GALNTL6: variants seen among roughly 807,000 people sequenced by gnomAD.
GALNTL6 encodes polypeptide N-acetylgalactosaminyltransferase-like 6.
In GALNTL6, 46 loss-of-function variants were observed where a neutral mutation model predicts 73.7. The ratio of observed to expected loss-of-function variants is 0.62; its 90% CI spans 0.49 to 0.80. The LOEUF (loss-of-function observed/expected upper bound fraction) is 0.80. Among genes scored for constraint, GALNTL6 ranks in the 30% least tolerant of loss-of-function variants. GALNTL6 has a pLI of 0.00. For synonymous variants in GALNTL6, 259 were observed against 263.7 expected, an observed-to-expected ratio of 0.98 and a Z score of 0.17; for missense variants, 604 against 755.0, an observed-to-expected ratio of 0.80 and a Z score of 2.34.
At position 171,908,809 on chromosome 4, in the gene GALNTL6, C is replaced by T. The variant is rs568214695; in HGVS notation, c.138+94091C>T. Among the ~76,000 whole-genome samples, 173 of 151,228 alleles carry T rather than the reference C, an allele frequency of 1.1e-3. 1 individual carries two copies. The highest frequency in any genetic ancestry group is 4.0e-3 in the African/African-American group (163 of 40,656). On this transcript the variant is annotated intron_variant, in intron 2 of 12. Transcript: ENST00000506823. ...CACATATACACCATGGAATACTATG[C>T]AGCCATAAAAAATGATGAGTTCATG... is the stretch of plus-strand genomic sequence containing the variant.
chr4:172,955,491 G>A (rs553265390), intron 10 of GALNTL6, among the ~76,000 whole-genome samples: 11 of 151,744 alleles, frequency 7.2e-5, no homozygotes, highest in Non-Finnish European at 1.3e-4. Flanking sequence ...ATTATTAAAA[G>A]TGCAGAATAT....
chr4:172,548,351 A>T (rs1204666663), intron 5 of GALNTL6, among the ~76,000 whole-genome samples: 1 of 152,248 alleles, frequency 6.6e-6, no homozygotes, highest in African/African-American at 2.4e-5. Flanking sequence ...GCACATTTAC[A>T]TAACAAAATG....
chr4:171,919,528 T>C (rs1023107192), intron 2 of GALNTL6, among the ~76,000 whole-genome samples: 4 of 152,024 alleles, frequency 2.6e-5, no homozygotes, highest in African/African-American at 4.8e-5. Flanking sequence ...ATGATGGTGA[T>C]ATTAGATCAG....
intron 2 of GALNTL6, among the ~76,000 whole-genome samples, chr4:171,826,850 G>T (rs1203026447): frequency 1.3e-5 from 2 of 151,974 alleles, no homozygotes; most frequent in Non-Finnish European, 2.9e-5. Context: ...GCTTCTCGGT[G>T]CACACCCCTA....
chr4:172,000,404 C>G (rs1473165489), intron 2 of GALNTL6, among the ~76,000 whole-genome samples: 1 of 152,092 alleles, frequency 6.6e-6, no homozygotes, highest in Non-Finnish European at 1.5e-5. Flanking sequence ...ATCATCCCAC[C>G]AAAGAGTGAG....
At chr4:172,210,715 AG>A (rs1158471069) in intron 2 of GALNTL6, among the ~76,000 whole-genome samples, 2 of 152,182 alleles carry the variant, frequency 1.3e-5, no homozygotes, top group Non-Finnish European at 2.9e-5. Context: ...TCAGTCTTAC[AG>A]TACCCATTGG....
rs56057771 is a variant in GALNTL6 at position 172,678,350 on chromosome 4, A to ATTT, written c.554-131001_554-130999dup. 8.4e-3 allele frequency among the ~76,000 whole-genome samples: 1,253 copies of ATTT among 148,828 alleles called. 11 individuals are homozygous for ATTT. Among genetic ancestry groups the ATTT allele is most frequent in the African/African-American group, 0.021 (850 of 40,754 alleles). ...GAATCTCCGTTCTTTACTAATTACT[A>ATTT]TTTTTTTTTTTTGAGACAGAGTTTC... is the stretch of plus-strand genomic sequence containing the variant. On this transcript the variant is annotated intron_variant, in intron 5 of 12. Transcript: ENST00000506823.
chr4:172,136,402 A>AT (rs1733637620), intron 2 of GALNTL6, among the ~76,000 whole-genome samples: 1 of 151,892 alleles, frequency 6.6e-6, no homozygotes. Context: ...ACTCTGTTCA[A>AT]TTTTTTAAAA....
chr4:172,606,311 G>A (rs1659446582), intron 5 of GALNTL6, among the ~76,000 whole-genome samples: 1 of 151,510 alleles, frequency 6.6e-6, no homozygotes, highest in Non-Finnish European at 1.5e-5. Context: ...AAAATTAGAT[G>A]GGCATGGTGG....
intron 10 of GALNTL6, among the ~76,000 whole-genome samples, chr4:172,994,597 G>A (rs930600473): frequency 1.3e-5 from 2 of 152,168 alleles, no homozygotes. Context: ...CCCTTAAAGA[G>A]CCAAGTCATC....
chr4:172,209,808 C>G (rs1047375797), intron 2 of GALNTL6, among the ~76,000 whole-genome samples: 2 of 151,948 alleles, frequency 1.3e-5, no homozygotes. Context: ...ATTCATTTTG[C>G]TGAATAGATT....
intron 3 of GALNTL6, among the ~76,000 whole-genome samples, chr4:172,280,302 C>G (rs1738997664): frequency 6.6e-6 from 1 of 152,098 alleles, no homozygotes; most frequent in African/African-American, 2.4e-5. Flanking sequence ...GGAGTTGAGA[C>G]AGAAACCAAT....
intron 8 of GALNTL6, among the ~76,000 whole-genome samples, chr4:172,910,191 A>G (rs531137914): frequency 6.6e-6 from 1 of 152,286 alleles, no homozygotes; most frequent in African/African-American, 2.4e-5. Context: ...CATGAATCCA[A>G]CAAATATTTG....
At chr4:172,814,415 T>C (rs976852341) in intron 7 of GALNTL6, among the ~76,000 whole-genome samples, 1 of 152,188 alleles carries the variant, frequency 6.6e-6, no homozygotes. Flanking sequence ...ATAGTTTAGT[T>C]TGACAGACTA....
intron 5 of GALNTL6, among the ~76,000 whole-genome samples, chr4:172,570,910 A>G (rs376518339): frequency 2.0e-5 from 3 of 152,086 alleles, no homozygotes; most frequent in Non-Finnish European, 2.9e-5. Context: ...GAAGAGCGCA[A>G]TCTAGATCCC....
At chr4:172,688,846 T>G (rs28406350) in intron 5 of GALNTL6, among the ~76,000 whole-genome samples, 64,813 of 151,992 alleles carry the variant, frequency 0.43, 16,065 homozygotes, top group East Asian at 0.68. Flanking sequence ...AAAAGGCATT[T>G]CTTTTTATAT....
chr4:171,969,119 G>A (rs1843503), intron 2 of GALNTL6, among the ~76,000 whole-genome samples: 65,313 of 151,904 alleles, frequency 0.43, 16,826 homozygotes, highest in Non-Finnish European at 0.57. Context: ...ACAGGCATGA[G>A]CCACCGCGCC....
intron 2 of GALNTL6, among the ~76,000 whole-genome samples, chr4:171,968,380 C>G (rs11722467): frequency 0.47 from 71,073 of 151,886 alleles, 18,343 homozygotes; most frequent in Admixed American, 0.61. Context: ...AGTTTCTGGT[C>G]ATTGCCAACC....
chr4:172,365,315 G>T (rs924811562), intron 5 of GALNTL6, among the ~76,000 whole-genome samples: 6 of 152,012 alleles, frequency 3.9e-5, no homozygotes, highest in African/African-American at 1.5e-4. Context: ...GCATGTCTCT[G>T]GTTGGGGAAG....
Sources: allele counts gnomAD v4.1 joint callset (sites outside exome capture counted in the v4.1 genomes callset), GRCh38; gene constraint gnomAD v4.1.1; transcripts MANE v1.5; gene names NCBI Gene and HGNC (gene_info 2026-07-23, HGNC 2026-07-21).